ADAMTSL1: variants seen among roughly 807,000 people sequenced by gnomAD.
The protein encoded by ADAMTSL1 is ADAMTS like 1.
A neutral mutation model predicts 201.8 loss-of-function variants in ADAMTSL1; 126 were observed. That is an observed-to-expected ratio of 0.62 (90% CI 0.54 to 0.72). The LOEUF (loss-of-function observed/expected upper bound fraction) is 0.72. Ranked by LOEUF, ADAMTSL1 falls within the 30% of genes least tolerant of loss-of-function variation. The pLI is 0.00. For synonymous variants in ADAMTSL1, 1,121 were observed against 903.4 expected, an observed-to-expected ratio of 1.24 and a Z score of -4.32; for missense variants, 2,679 against 2,277.8, an observed-to-expected ratio of 1.18 and a Z score of -3.59.
rs374272183 is a variant in ADAMTSL1 at position 18,777,035 on chromosome 9, C to G, written c.2806C>G (p.Arg936Gly). ...CCCCTTCGGCTATCTCAAGATCCAC[C>G]GCCTCAAGCCCTCGGATGCAGGCGT... ...VAPFGYLKIH[R>G]LKPSDAGVYT... The change falls in exon 19 of 29, where the codon CGC (arginine) becomes GGC (glycine). Residue 936 changes from arginine to glycine, a missense_variant. Arg to Gly is a moderately radical substitution (Grantham distance 125). Transcript: ENST00000380548. 1.2e-6 allele frequency: 2 copies of G among 1,609,622 alleles called. No homozygotes were observed. The highest frequency in any genetic ancestry group is 1.7e-6 in the Non-Finnish European group (2 of 1,177,202).
chr9:18,144,210 T>A (rs1398538975), intron 1 of ADAMTSL1, among the ~76,000 whole-genome samples: 1 of 151,978 alleles, frequency 6.6e-6, no homozygotes, highest in Non-Finnish European at 1.5e-5. Flanking sequence ...TTTCTTTCTT[T>A]CTTTCTTTCT....
Position 18,908,486 on chromosome 9 carries a change from C to G in ADAMTSL1, c.5227C>G (p.Leu1743Val). 6.4e-7 allele frequency: 1 copy of G among 1,564,724 alleles called. No individual in the cohort carries two copies. The highest frequency in any genetic ancestry group is 8.7e-7 in the Non-Finnish European group (1 of 1,154,694). Residue 1743 changes from leucine to valine, a missense_variant, in exon 29 of 29, where the codon CTG becomes GTG. Physicochemically the swap from Leu to Val is conservative, Grantham distance 32. Coordinates refer to ENST00000380548, the MANE Select transcript of ADAMTSL1 (RefSeq NM_001040272.6). ...CAGGTACTGCGAGAAGGTGAAACAG[C>G]TGAAACTCTGCCAACTCAGCCAGTT... ...TTRYCEKVKQ[L>V]KLCQLSQFKS...
chr9:18,687,472 T>C (rs1389716436), intron 13 of ADAMTSL1, among the ~76,000 whole-genome samples: 16 of 152,364 alleles, frequency 1.1e-4, no homozygotes, highest in Admixed American at 9.8e-4. Flanking sequence ...ACTTCTGAAC[T>C]GCTACAGTGA....
At chr9:18,606,761 C>G (rs1052952961) in intron 4 of ADAMTSL1, among the ~76,000 whole-genome samples, 1 of 152,164 alleles carries the variant, frequency 6.6e-6, no homozygotes, top group Non-Finnish European at 1.5e-5. Flanking sequence ...ACCACAATTC[C>G]TTCCCCCCCA....
intron 1 of ADAMTSL1, among the ~76,000 whole-genome samples, chr9:18,109,078 T>G (rs1824888358): frequency 6.6e-6 from 1 of 152,206 alleles, no homozygotes; most frequent in Non-Finnish European, 1.5e-5. Context: ...TAAAAGACTC[T>G]TCTCAACTGC....
intron 2 of ADAMTSL1, among the ~76,000 whole-genome samples, chr9:18,371,528 A>T (rs1370393570): frequency 6.6e-6 from 1 of 152,230 alleles, no homozygotes; most frequent in Non-Finnish European, 1.5e-5. Context: ...TTATAAATAT[A>T]TGTTTGCTAA....
At chr9:18,000,352 C>T (rs976222122) in intron 1 of ADAMTSL1, among the ~76,000 whole-genome samples, 2 of 151,820 alleles carry the variant, frequency 1.3e-5, no homozygotes, top group African/African-American at 4.8e-5. Flanking sequence ...TCTTTCCTTC[C>T]CCCCAACATA....
At chr9:18,146,734 T>C (rs1214407916) in intron 1 of ADAMTSL1, among the ~76,000 whole-genome samples, 1 of 152,172 alleles carries the variant, frequency 6.6e-6, no homozygotes, top group Admixed American at 6.6e-5. Flanking sequence ...GTGAATGTGG[T>C]AGTGTGCCCT....
At chr9:18,906,066 G>T (rs559975794) in intron 27 of ADAMTSL1, among the ~76,000 whole-genome samples, 175 bp downstream of exon 27, 14 of 152,110 alleles carry the variant, frequency 9.2e-5, no homozygotes, top group African/African-American at 3.1e-4. Context: ...ACTCAGTGTC[G>T]GTCTTGTGCT....
At chr9:18,291,781 C>A (rs963816090) in intron 2 of ADAMTSL1, among the ~76,000 whole-genome samples, 2 of 120,112 alleles carry the variant, frequency 1.7e-5, no homozygotes, top group African/African-American at 3.1e-5. Flanking sequence ...ACACACACAT[C>A]CCTACCTGTC....
At chr9:18,747,988 G>A (rs978972393) in intron 15 of ADAMTSL1, among the ~76,000 whole-genome samples, 1 of 152,212 alleles carries the variant, frequency 6.6e-6, no homozygotes, top group Non-Finnish European at 1.5e-5. Flanking sequence ...CAGCCATTAA[G>A]GTGGAGGGAG....
chr9:18,721,698 G>T, intron 15 of ADAMTSL1, 33 bp downstream of exon 15: 1 of 1,610,478 alleles, frequency 6.2e-7, no homozygotes, highest in Non-Finnish European at 8.5e-7. Flanking sequence ...TGCTGTCCAG[G>T]GGCACGTACA....
At chr9:18,656,644 A>AC (rs1286786233) in intron 7 of ADAMTSL1, among the ~76,000 whole-genome samples, 1 of 151,632 alleles carries the variant, frequency 6.6e-6, no homozygotes, top group Non-Finnish European at 1.5e-5. Flanking sequence ...AAAAAAAAAA[A>AC]AGAAAATGTT....
chr9:18,072,847 T>A (rs1031110515), intron 1 of ADAMTSL1, among the ~76,000 whole-genome samples: 2 of 152,296 alleles, frequency 1.3e-5, no homozygotes, highest in Middle Eastern at 3.4e-3. Flanking sequence ...GAATTAGGCT[T>A]AGATAATATC....
intron 2 of ADAMTSL1, among the ~76,000 whole-genome samples, chr9:18,201,260 A>C (rs1587296713): frequency 6.6e-6 from 1 of 152,094 alleles, no homozygotes; most frequent in Non-Finnish European, 1.5e-5. Context: ...GCCTGTATCC[A>C]TTTGGGAATC....
intron 1 of ADAMTSL1, among the ~76,000 whole-genome samples, chr9:17,949,374 C>A (rs941686132): frequency 6.6e-6 from 1 of 152,058 alleles, no homozygotes; most frequent in Non-Finnish European, 1.5e-5. Context: ...TACTGAAGGG[C>A]AGGTCAGTTG....
chr9:17,995,558 A>T (rs866029395), intron 1 of ADAMTSL1, among the ~76,000 whole-genome samples: 3 of 152,176 alleles, frequency 2.0e-5, no homozygotes, highest in African/African-American at 7.2e-5. Flanking sequence ...TCTGAACTAG[A>T]GAGAAAAGTG....
chr9:18,010,041 G>A (rs1819988344), intron 1 of ADAMTSL1, among the ~76,000 whole-genome samples: 1 of 152,002 alleles, frequency 6.6e-6, no homozygotes, highest in African/African-American at 2.4e-5. Flanking sequence ...TAAGAATAAT[G>A]CTTTCTCATC....
At chr9:18,735,343 G>C (rs565568526) in intron 15 of ADAMTSL1, among the ~76,000 whole-genome samples, 14 of 152,316 alleles carry the variant, frequency 9.2e-5, no homozygotes, top group African/African-American at 2.9e-4. Context: ...AGGTGTTATA[G>C]AAGTATAAGA....
Sources: gnomAD v4.1 joint callset for allele counts (sites outside exome capture counted in the v4.1 genomes callset) on GRCh38, gnomAD v4.1.1 for gene constraint, MANE v1.5 for transcripts, NCBI Gene and HGNC (gene_info 2026-07-23, HGNC 2026-07-21) for gene names.